ATE1: variants seen among roughly 807,000 people sequenced by gnomAD.
ATE1 encodes arginyl-tRNA--protein transferase 1.
Under a neutral mutation model 70.5 loss-of-function variants are expected in ATE1, and 36 were observed. The observed-to-expected ratio is 0.51, with a 90% confidence interval of 0.39 to 0.67. The LOEUF (loss-of-function observed/expected upper bound fraction) is 0.67, where lower values mean the gene tolerates loss of function less well. Among genes scored for constraint, ATE1 ranks in the 30% least tolerant of loss-of-function variants. ATE1 has a pLI of 0.00. For missense variants in ATE1, 593 were observed against 629.5 expected (o/e 0.94, Z 0.62); for synonymous variants, 232 against 219.3 (o/e 1.06, Z -0.51).
chr10:121,880,579 G>GTA (rs200800264), intron 7 of ATE1, among the ~76,000 whole-genome samples: 4,678 of 149,328 alleles, frequency 0.031, 231 homozygotes, highest in African/African-American at 0.11. Flanking sequence ...ACATATATAT[G>GTA]TATATATATA....
intron 7 of ATE1, among the ~76,000 whole-genome samples, chr10:121,889,948 A>G (rs1950525602): frequency 6.6e-6 from 1 of 152,212 alleles, no homozygotes; most frequent in African/African-American, 2.4e-5. Context: ...TTCTTAGGAG[A>G]CGTATGCTTA....
chr10:121,886,714 T>C (rs10887008), intron 7 of ATE1, among the ~76,000 whole-genome samples: 20,067 of 152,268 alleles, frequency 0.13, 1,524 homozygotes, highest in East Asian at 0.19. Context: ...ACCAGAAATA[T>C]GCTGTAGGAA....
chr10:121,819,854 A>C (rs1947721542), intron 10 of ATE1, among the ~76,000 whole-genome samples: 3 of 151,378 alleles, frequency 2.0e-5, no homozygotes, highest in Non-Finnish European at 4.4e-5. Context: ...TAAACCAAAA[A>C]AGTAAAACAG....
chr10:121,812,292 G>A (rs2133484093), intron 10 of ATE1, among the ~76,000 whole-genome samples: 1 of 152,082 alleles, frequency 6.6e-6, no homozygotes, highest in Middle Eastern at 3.4e-3. Flanking sequence ...ACGGTATGTT[G>A]ACTCTATAAC....
intron 10 of ATE1, among the ~76,000 whole-genome samples, chr10:121,817,477 T>C (rs980316561): frequency 6.6e-6 from 1 of 151,078 alleles, no homozygotes; most frequent in East Asian, 1.9e-4. Flanking sequence ...AGGCGGAGCT[T>C]GCAGTGAGCC....
chr10:121,896,702 A>AC (rs1950792989), intron 7 of ATE1, among the ~76,000 whole-genome samples: 1 of 151,728 alleles, frequency 6.6e-6, no homozygotes, highest in Non-Finnish European at 1.5e-5. Context: ...CCAGAGACGC[A>AC]GGGGTCTGAG....
intron 4 of ATE1, 76 bp from the exon 5 acceptor site, chr10:121,911,227 TC>T: frequency 6.6e-7 from 1 of 1,509,026 alleles, no homozygotes; most frequent in Non-Finnish European, 8.9e-7. Context: ...AATACAATGT[TC>T]CTATTATCCA....
intron 8 of ATE1, among the ~76,000 whole-genome samples, chr10:121,869,651 C>A (rs752102145): frequency 2.4e-4 from 37 of 152,224 alleles, no homozygotes; most frequent in South Asian, 1.0e-3. Flanking sequence ...TCTTTTAATA[C>A]CATGGCAATT....
chr10:121,785,077 C>T (rs180815006), intron 11 of ATE1, among the ~76,000 whole-genome samples: 67 of 152,252 alleles, frequency 4.4e-4, no homozygotes, highest in African/African-American at 1.5e-3. Context: ...CAGCTGGCTA[C>T]ATCCAAGCAC....
intron 11 of ATE1, among the ~76,000 whole-genome samples, chr10:121,785,934 A>T (rs1162341676): frequency 1.3e-5 from 2 of 152,220 alleles, no homozygotes; most frequent in African/African-American, 2.4e-5. Context: ...GGTAAAATAT[A>T]TATCTTACTA....
chr10:121,755,544 C>T (rs1048728207), intron 11 of ATE1, among the ~76,000 whole-genome samples: 1 of 152,168 alleles, frequency 6.6e-6, no homozygotes, highest in African/African-American at 2.4e-5. Flanking sequence ...TCCGTTTTTA[C>T]ACTGCTGATA....
At chr10:121,867,173 T>C (rs1031883544) in intron 8 of ATE1, among the ~76,000 whole-genome samples, 4 of 152,206 alleles carry the variant, frequency 2.6e-5, no homozygotes, top group African/African-American at 9.7e-5. Context: ...GTGCCTACTA[T>C]ATTCTACCTA....
chr10:121,918,938 C>T (rs1951768785), intron 3 of ATE1, among the ~76,000 whole-genome samples: 1 of 152,032 alleles, frequency 6.6e-6, no homozygotes, highest in Non-Finnish European at 1.5e-5. Flanking sequence ...TTGTAAAACG[C>T]ACCAATCAGT....
intron 10 of ATE1, among the ~76,000 whole-genome samples, chr10:121,831,271 C>T (rs1674331453): frequency 6.6e-6 from 1 of 152,116 alleles, no homozygotes; most frequent in Non-Finnish European, 1.5e-5. Context: ...TACACACATA[C>T]GTTTATTTAT....
chr10:121,847,929 G>T (rs1180743807), intron 8 of ATE1, among the ~76,000 whole-genome samples: 2 of 148,028 alleles, frequency 1.4e-5, no homozygotes, highest in Non-Finnish European at 3.0e-5. Flanking sequence ...AAATTAGCCA[G>T]GTGTGGTGGC....
At chr10:121,769,061 A>T (rs535795197) in intron 11 of ATE1, among the ~76,000 whole-genome samples, 102 of 152,254 alleles carry the variant, frequency 6.7e-4, no homozygotes, top group African/African-American at 1.6e-3. Flanking sequence ...TAAAATTTAT[A>T]TGGAAAGGCA....
intron 11 of ATE1, among the ~76,000 whole-genome samples, chr10:121,745,541 C>T (rs1206392137): frequency 2.0e-5 from 3 of 152,096 alleles, no homozygotes; most frequent in African/African-American, 4.8e-5. Context: ...ACGGTGAAAC[C>T]CCGTCTCTAC....
chr10:121,769,064 G>T (rs1321550724), intron 11 of ATE1, among the ~76,000 whole-genome samples: 1 of 152,068 alleles, frequency 6.6e-6, no homozygotes, highest in Non-Finnish European at 1.5e-5. Context: ...AATTTATATG[G>T]AAAGGCAAAA....
rs201984922 is a variant in ATE1 at position 121,790,207 on chromosome 10, T to C, written c.1340A>G (p.Asn447Ser). 1 of 1,613,120 alleles carries C rather than the reference T, an allele frequency of 6.2e-7. No individual in the cohort carries two copies. Among genetic ancestry groups the C allele is most frequent in the African/African-American group, 1.3e-5 (1 of 74,658 alleles). The stretch of plus-strand genomic sequence containing the variant: ...CTGGTTGAAACGGCAGTACTTGGAG[T>C]TTTCAAGTGAAGGCAGGCATTGCTC... Reference protein sequence around the residue: ...PIEQCLPSLENSKYCRFNQDP... With the variant: ...PIEQCLPSLESSKYCRFNQDP... The change falls in exon 11 of 12, where the codon AAC (asparagine) becomes AGC (serine). Residue 447 changes from asparagine to serine, a missense_variant. By Grantham distance (46) the Asn-to-Ser change is conservative. This residue lies in a region of ATE1 where 90 missense variants were observed against 93.7 expected (regional missense o/e 0.96). Transcript: ENST00000224652.
Sources: gnomAD v4.1 joint callset for allele counts (sites outside exome capture counted in the v4.1 genomes callset) on GRCh38, gnomAD v4.1.1 for gene constraint, gnomAD v4.1.1 regional missense constraint, MANE v1.5 for transcripts, NCBI Gene and HGNC (gene_info 2026-07-23, HGNC 2026-07-21) for gene names.